Variants in SFTPD observed in about 807,000 individuals in gnomAD.
SFTPD encodes the protein pulmonary surfactant-associated protein D.
SFTPD carries 18 observed loss-of-function variants against 34.6 expected under a neutral mutation model. That is an observed-to-expected ratio of 0.52 (90% CI 0.36 to 0.77). The LOEUF is 0.77. Ranked by LOEUF, SFTPD falls within the 30% of genes least tolerant of loss-of-function variation. The probability of loss-of-function intolerance (pLI) is 0.00; values close to 1 mark genes in which losing one functional copy is unlikely to be tolerated. For synonymous variants in SFTPD, 155 were observed against 180.9 expected, an observed-to-expected ratio of 0.86 and a Z score of 1.15; for missense variants, 433 against 468.9, an observed-to-expected ratio of 0.92 and a Z score of 0.71.
chr10:79,938,072 A>G lies in SFTPD; in HGVS notation c.908T>C (p.Leu303Pro), dbSNP rs140229014. 1.9e-6 allele frequency: 3 copies of G among 1,614,056 alleles called. No individual in the cohort carries two copies. Among genetic ancestry groups the G allele is most frequent in the Non-Finnish European group, 2.5e-6 (3 of 1,180,028 alleles). ...SAAENAALQQLVVAKNEAAFL... is the reference protein window; with the variant it reads ...SAAENAALQQPVVAKNEAAFL... ...AGCAGCCTCGTTCTTAGCTACGACC[A>G]GCTGTTGCAAGGCGGCATTCTCAGC... The change falls in exon 8 of 8, where the codon CTG becomes CCG. Residue 303 changes from leucine (L) to proline (P), a missense_variant. Coordinates refer to ENST00000372292, the MANE Select transcript of SFTPD (RefSeq NM_003019.5).
At chr10:79,965,567 T>A (rs1236719656) in intron 1 of SFTPD, among the ~76,000 whole-genome samples, 3 of 96,638 alleles carry the variant, frequency 3.1e-5, no homozygotes, top group Admixed American at 1.3e-4. Context: ...TTTTATTTTT[T>A]ATTTTTTATT....
At chr10:79,942,651 G>C in intron 3 of SFTPD, 112 bp downstream of exon 3, 2 of 944,282 alleles carry the variant, frequency 2.1e-6, no homozygotes, top group Non-Finnish European at 3.4e-6. Flanking sequence ...ATGACCCAGT[G>C]CCACCTTCAG....
chr10:79,942,201 TG>T, intron 4 of SFTPD, 131 bp from the exon 5 acceptor site: 1 of 771,934 alleles, frequency 1.3e-6, no homozygotes, highest in Non-Finnish European at 2.2e-6. Context: ...CCTTGCTTTC[TG>T]GGGCTCCTCT....
At chr10:79,971,672 T>A (rs1006076020) in intron 1 of SFTPD, 3 of 152,226 alleles carry the variant, frequency 2.0e-5, no homozygotes, top group African/African-American at 7.2e-5. Context: ...TTTAATGACC[T>A]CTTCTATTTC....
chr10:79,972,887 C>T (rs1363393983), intron 1 of SFTPD: 3 of 152,170 alleles, frequency 2.0e-5, no homozygotes, highest in Non-Finnish European at 4.4e-5. Context: ...TAGATTTTCT[C>T]ATCCTGTGAA....
intron 1 of SFTPD, chr10:79,968,613 T>A (rs1842817568): frequency 6.6e-6 from 1 of 152,204 alleles, no homozygotes; most frequent in Non-Finnish European, 1.5e-5. Context: ...GTGAATAGTG[T>A]TGCAATGAAT....
At chr10:79,942,107 A>G in intron 4 of SFTPD, 37 bp from the exon 5 acceptor site, 1 of 1,448,668 alleles carries the variant, frequency 6.9e-7, no homozygotes, top group East Asian at 2.3e-5. Flanking sequence ...CACAGCTAAG[A>G]GCGCGTTCAG....
chr10:79,953,330 C>T (rs1481423514), upstream of SFTPD, among the ~76,000 whole-genome samples: 1 of 152,158 alleles, frequency 6.6e-6, no homozygotes, highest in Non-Finnish European at 1.5e-5. Flanking sequence ...GTGACAAACT[C>T]CCTCAGTATA....
intron 6 of SFTPD, 81 bp downstream of exon 6, chr10:79,941,317 C>T (rs1174260532): frequency 8.2e-7 from 1 of 1,215,672 alleles, no homozygotes; most frequent in Non-Finnish European, 1.2e-6. Flanking sequence ...CCCAGAGCCC[C>T]TCCTCTGGGA....
At chr10:79,982,111 G>A in intron 1 of SFTPD, 2 of 308,464 alleles carry the variant, frequency 6.5e-6, no homozygotes, top group Non-Finnish European at 5.8e-6. Flanking sequence ...TCTAGCTCCC[G>A]CGCTCGCTCC....
chr10:79,977,825 CTCTCTT>C (rs1432288253), intron 1 of SFTPD, among the ~76,000 whole-genome samples: 1 of 135,876 alleles, frequency 7.4e-6, no homozygotes, highest in Non-Finnish European at 1.7e-5. Context: ...TTCTTTCTTC[CTCTCTT>C]TCTTTCATTA....
chr10:79,948,843 C>T (rs549284822), intron 1 of SFTPD, among the ~76,000 whole-genome samples: 1 of 152,252 alleles, frequency 6.6e-6, no homozygotes, highest in Non-Finnish European at 1.5e-5. Flanking sequence ...CCCTGTGCAC[C>T]CCCAGCTCAG....
intron 1 of SFTPD, among the ~76,000 whole-genome samples, chr10:79,956,058 T>C (rs1042944204): frequency 6.6e-6 from 1 of 152,230 alleles, no homozygotes; most frequent in African/African-American, 2.4e-5. Flanking sequence ...TCTAAAAGCA[T>C]GACTTAAAAA....
At chr10:79,961,549 G>A (rs953801531) in intron 1 of SFTPD, among the ~76,000 whole-genome samples, 131 of 152,202 alleles carry the variant, frequency 8.6e-4, no homozygotes, top group Admixed American at 2.2e-3. Flanking sequence ...AAAAATGCTC[G>A]TCATCACTGG....
chr10:79,982,151 C>A (rs1037384384), intron 1 of SFTPD: 4 of 378,128 alleles, frequency 1.1e-5, no homozygotes, highest in African/African-American at 4.3e-5. Context: ...GCGCGCCTGG[C>A]GGGGCAGGGC....
At chr10:79,967,989 C>T (rs536607941) in intron 1 of SFTPD, among the ~76,000 whole-genome samples, 53 of 151,172 alleles carry the variant, frequency 3.5e-4, no homozygotes, top group Non-Finnish European at 6.3e-4. Context: ...TGACTCAGCC[C>T]ACCTGCGCCC....
chr10:79,965,535 TTTTC>T (rs1379949655), intron 1 of SFTPD, among the ~76,000 whole-genome samples: 3 of 22,542 alleles, frequency 1.3e-4, no homozygotes, highest in Admixed American at 8.7e-4. Flanking sequence ...TTCATTTTAT[TTTTC>T]TTTTTTTTTT....
At chr10:79,947,893 TAA>T (rs1842681548) in intron 1 of SFTPD, among the ~76,000 whole-genome samples, 1 of 152,036 alleles carries the variant, frequency 6.6e-6, no homozygotes, top group African/African-American at 2.4e-5. Flanking sequence ...TGAGAAACCG[TAA>T]AGTTATGAGA....
At chr10:79,980,766 G>A (rs569713553) in intron 1 of SFTPD, among the ~76,000 whole-genome samples, 2 of 152,346 alleles carry the variant, frequency 1.3e-5, no homozygotes, top group South Asian at 4.1e-4. Context: ...ACTGAGTTTG[G>A]GGTTCCCCCT....
Sources: allele counts gnomAD v4.1 joint callset (sites outside exome capture counted in the v4.1 genomes callset), GRCh38; gene constraint gnomAD v4.1.1; transcripts MANE v1.5; gene names NCBI Gene and HGNC (gene_info 2026-07-23, HGNC 2026-07-21).